The following DPP10 variants were observed in gnomAD, a reference collection of about 807,000 sequenced individuals.
The protein encoded by DPP10 is dipeptidyl peptidase like 10, also known as inactive dipeptidyl peptidase 10.
A neutral mutation model predicts 120.9 loss-of-function variants in DPP10; 33 were observed. The ratio of observed to expected loss-of-function variants is 0.27; its 90% confidence interval spans 0.21 to 0.37. The LOEUF (loss-of-function observed/expected upper bound fraction) is 0.37. Ranked by LOEUF, DPP10 falls within the 10% of genes least tolerant of loss-of-function variation. The pLI, the probability that DPP10 is intolerant of heterozygous loss-of-function variation, is 1.00. For missense variants in DPP10, 816 were observed against 942.8 expected (o/e 0.87, Z 1.76); for synonymous variants, 337 against 326.1 (o/e 1.03, Z -0.36).
At chr2:115,228,588 TAA>T (rs1239383275) in intron 1 of DPP10, among the ~76,000 whole-genome samples, 45 of 152,108 alleles carry the variant, frequency 3.0e-4, no homozygotes, top group African/African-American at 6.5e-4. Flanking sequence ...AATTTTTTTT[TAA>T]AAAATTTAGT....
intron 1 of DPP10, among the ~76,000 whole-genome samples, chr2:115,238,046 C>A (rs2105540395): frequency 6.6e-6 from 1 of 152,292 alleles, no homozygotes; most frequent in South Asian, 2.1e-4. Flanking sequence ...CCAAAACAGC[C>A]TTCTATTGGA....
intron 1 of DPP10, among the ~76,000 whole-genome samples, chr2:114,740,543 C>T (rs1024258497): frequency 3.3e-5 from 5 of 152,094 alleles, no homozygotes; most frequent in African/African-American, 1.2e-4. Flanking sequence ...AAATGTACTT[C>T]TATTCTTGCT....
At chr2:114,553,521 C>T (rs1025304922) in intron 1 of DPP10, among the ~76,000 whole-genome samples, 2 of 152,192 alleles carry the variant, frequency 1.3e-5, no homozygotes, top group Non-Finnish European at 2.9e-5. Context: ...CCTTTTCACT[C>T]TGAGTTTACA....
intron 1 of DPP10, among the ~76,000 whole-genome samples, chr2:114,820,731 A>T (rs936174030): frequency 6.6e-6 from 1 of 152,158 alleles, no homozygotes; most frequent in Non-Finnish European, 1.5e-5. Context: ...AGCATGGGGG[A>T]ACTGCCCCCG....
intron 1 of DPP10, among the ~76,000 whole-genome samples, chr2:114,981,899 T>G (rs1403441618): frequency 6.6e-6 from 1 of 151,970 alleles, no homozygotes; most frequent in African/African-American, 2.4e-5. Context: ...GTTCCACCTT[T>G]CTTTTTATTT....
chr2:114,529,370 G>T (rs925696355), intron 1 of DPP10, among the ~76,000 whole-genome samples: 8 of 151,984 alleles, frequency 5.3e-5, no homozygotes, highest in African/African-American at 1.9e-4. Flanking sequence ...TCTTTTAAAG[G>T]GTAAATTTGA....
intron 1 of DPP10, among the ~76,000 whole-genome samples, chr2:114,656,465 C>T (rs1057458926): frequency 3.3e-5 from 5 of 152,094 alleles, no homozygotes; most frequent in Non-Finnish European, 5.9e-5. Flanking sequence ...TTGCTTATCA[C>T]TGATATTATA....
At chr2:114,480,274 C>T (rs1372167135) in intron 1 of DPP10, among the ~76,000 whole-genome samples, 5 of 151,554 alleles carry the variant, frequency 3.3e-5, no homozygotes, top group African/African-American at 1.2e-4. Flanking sequence ...TAAACTAGTT[C>T]AACCCTTGTG....
At chr2:115,462,050 A>G (rs371658573) in intron 3 of DPP10, among the ~76,000 whole-genome samples, 3 of 152,326 alleles carry the variant, frequency 2.0e-5, no homozygotes, top group African/African-American at 7.2e-5. Context: ...CTTCTAAAGA[A>G]TTGGGATTTC....
intron 1 of DPP10, among the ~76,000 whole-genome samples, chr2:114,718,400 GAAAAA>G (rs71297184): frequency 1.6e-4 from 13 of 81,180 alleles, no homozygotes; most frequent in South Asian, 5.6e-4. Flanking sequence ...GACTCTGTTT[GAAAAA>G]AAAAAAAAAA....
chr2:115,028,727 A>G (rs930725268), intron 1 of DPP10, among the ~76,000 whole-genome samples: 2 of 152,064 alleles, frequency 1.3e-5, no homozygotes, highest in Non-Finnish European at 2.9e-5. Context: ...TACTTTGTAC[A>G]CACGGATGCT....
chr2:115,426,806 G>T (rs2070513763), intron 3 of DPP10, among the ~76,000 whole-genome samples: 1 of 152,198 alleles, frequency 6.6e-6, no homozygotes, highest in African/African-American at 2.4e-5. Flanking sequence ...ATACAATCAT[G>T]CCTTCCCAAT....
chr2:115,612,514 A>G (rs1017611220), intron 5 of DPP10, among the ~76,000 whole-genome samples: 2 of 152,200 alleles, frequency 1.3e-5, no homozygotes, highest in Non-Finnish European at 2.9e-5. Context: ...TTTCTTCCAC[A>G]TGTATAACAA....
chr2:114,969,195 A>G (rs887426437), intron 1 of DPP10, among the ~76,000 whole-genome samples: 1 of 152,228 alleles, frequency 6.6e-6, no homozygotes. Flanking sequence ...TACTTGTCAC[A>G]CAATAATGCA....
intron 1 of DPP10, among the ~76,000 whole-genome samples, chr2:114,754,086 T>C (rs1185509252): frequency 6.6e-6 from 1 of 152,138 alleles, no homozygotes; most frequent in East Asian, 1.9e-4. Flanking sequence ...CAGTTCAAAC[T>C]GGAAGATTGG....
chr2:115,404,584 G>A (rs1215121907), intron 3 of DPP10, among the ~76,000 whole-genome samples: 1 of 152,020 alleles, frequency 6.6e-6, no homozygotes, highest in Non-Finnish European at 1.5e-5. Context: ...GTCTTCATCT[G>A]TTCTGTGTTG....
chr2:115,231,003 A>G lies in DPP10; in HGVS notation c.61-78236A>G, dbSNP rs144066145. Among the ~76,000 whole-genome samples the G allele has an allele frequency of 7.1e-3, 1,079 of 152,096 alleles. 17 individuals are homozygous for G. The highest frequency in any genetic ancestry group is 0.025 in the African/African-American group (1,033 of 41,510). ...CTATGGAGTACAGATAAGAAAACAC[A>G]CTTCAGTGTTCAAGACATCAAAAAG... On this transcript the variant is annotated intron_variant, in intron 1 of 25. Coordinates refer to ENST00000410059, the MANE Select transcript of DPP10 (RefSeq NM_020868.6).
intron 1 of DPP10, among the ~76,000 whole-genome samples, chr2:114,479,527 A>G (rs959725196): frequency 7.9e-5 from 12 of 152,224 alleles, no homozygotes; most frequent in Non-Finnish European, 1.6e-4. Context: ...ATATAGACCA[A>G]TGGATCAGAA....
chr2:115,237,337 A>G (rs561537834), intron 1 of DPP10, among the ~76,000 whole-genome samples: 267 of 152,290 alleles, frequency 1.8e-3, no homozygotes, highest in African/African-American at 5.8e-3. Flanking sequence ...ATGTCAGTAT[A>G]AAACAGCAAA....
Sources: gnomAD v4.1 joint callset for allele counts (sites outside exome capture counted in the v4.1 genomes callset) on GRCh38, gnomAD v4.1.1 for gene constraint, MANE v1.5 for transcripts, NCBI Gene and HGNC (gene_info 2026-07-23, HGNC 2026-07-21) for gene names.